SPATA6L: variants seen among roughly 807,000 people sequenced by gnomAD.
The protein encoded by SPATA6L is spermatogenesis associated 6 like, also known as spermatogenesis associated 6-like protein.
SPATA6L carries 68 observed loss-of-function variants against 49.2 expected under a neutral mutation model. The ratio of observed to expected loss-of-function variants is 1.38; its 90% CI spans 1.14 to 1.69. The LOEUF (loss-of-function observed/expected upper bound fraction) is 1.69. Among genes scored for constraint, SPATA6L ranks in the 40% most tolerant of loss-of-function variants. SPATA6L has a pLI of 0.00. For synonymous variants in SPATA6L, 198 were observed against 165.7 expected (o/e 1.19, Z -1.50); for missense variants, 668 against 464.3 (o/e 1.44, Z -4.03).
rs1264343806 is a variant in SPATA6L, at chr9:4,611,218, A to G, written c.996-5778T>C. 2.3e-4 allele frequency among the ~76,000 whole-genome samples: 33 copies of G among 145,852 alleles called. No homozygotes were observed. The East Asian group carries it at 6.5e-3, about 29-fold the overall frequency. ...GTTGGTGGGACTGTAAACTAGTTCA[A>G]CCATTGTGGAAGTCAGTGTGGCGAT... On this transcript the variant is annotated intron_variant, in intron 9 of 11. Coordinates refer to ENST00000682582, the MANE Select transcript of SPATA6L (RefSeq NM_001353486.2).
At chr9:4,661,028 T>C (rs917972824) in intron 2 of SPATA6L, among the ~76,000 whole-genome samples, 3 of 151,894 alleles carry the variant, frequency 2.0e-5, no homozygotes, top group African/African-American at 7.3e-5. Context: ...CAGGGGCCTG[T>C]CGTGGGGTGG....
At chr9:4,659,332 A>C (rs1169468854) in intron 2 of SPATA6L, among the ~76,000 whole-genome samples, 1 of 152,234 alleles carries the variant, frequency 6.6e-6, no homozygotes, top group Non-Finnish European at 1.5e-5. Context: ...CTCAAGTCTC[A>C]GGATACAAAA....
rs777546834 is a variant in SPATA6L, at chr9:4,662,344, G to A, written c.40-308C>T. On this transcript the variant is annotated intron_variant, in intron 1 of 11. Transcript: ENST00000682582. The surrounding 1 kb of genome is among the most constrained non-coding windows in gnomAD (Gnocchi z 4.9). ...GGCCGGGAAGCCTCTGTTTGGTCCG[G>A]CCAGGTCCCGGGATCCGGGCCGCCA... The A allele has an allele frequency of 2.0e-6, 3 of 1,477,802 alleles. No individual in the cohort carries two copies. Among genetic ancestry groups the A allele is most frequent in the South Asian group, 2.7e-5 (2 of 74,388 alleles). 91.5% of individuals were successfully genotyped at this position (1,477,802 alleles called of 1,614,324 possible).
intron 10 of SPATA6L, among the ~76,000 whole-genome samples, chr9:4,604,909 C>T (rs189931856): frequency 9.9e-5 from 15 of 152,164 alleles, no homozygotes; most frequent in African/African-American, 3.6e-4. Flanking sequence ...ACAGCCAAAA[C>T]CACCTTATTA....
chr9:4,622,204 G>A (rs576933728), intron 7 of SPATA6L, among the ~76,000 whole-genome samples: 11 of 152,308 alleles, frequency 7.2e-5, no homozygotes, highest in Admixed American at 5.2e-4. Flanking sequence ...CCCCTTCAAC[G>A]GCGAGGGGAA....
chr9:4,661,749 T>TCTAACTGCGGTTTTGCTTCAAGG, intron 2 of SPATA6L, 150 bp downstream of exon 2: 1 of 799,952 alleles, frequency 1.3e-6, no homozygotes, highest in South Asian at 2.2e-5. Flanking sequence ...AAGCAAGTGT[T>TCTAACTGCGGTTTTGCTTCAAGG]CCGACTGCGG....
chr9:4,604,294 T>C (rs1380856384), intron 10 of SPATA6L, 25 bp from the exon 11 acceptor site: 4 of 1,483,578 alleles, frequency 2.7e-6, no homozygotes, highest in African/African-American at 1.4e-5. Context: ...AATCCAGCAA[T>C]TATGTTACCC....
In SPATA6L at chr9:4,622,310, T is replaced by C. The variant is rs566423737; in HGVS notation, c.772+98A>G. On this transcript the variant is annotated intron_variant, in intron 7 of 11. Transcript: ENST00000682582. Reference sequence around the variant, plus strand: ...AGTACTTGAGAATTAGGCTCACAGTTCTGAACATCACCTGTGATTCCTCAG... The same window carrying C: ...AGTACTTGAGAATTAGGCTCACAGTCCTGAACATCACCTGTGATTCCTCAG... 3.9e-6 allele frequency: 3 copies of C among 769,042 alleles called. No individual in the cohort carries two copies. In the African/African-American group the frequency reaches 5.2e-5, roughly 13 times the overall value. The allele number at this position is 769,042 out of a possible 1,614,324, so 47.6% of individuals were successfully genotyped here.
At position 4,625,563 on chromosome 9, in the gene SPATA6L, C is replaced by G; in HGVS notation, c.433G>C (p.Glu145Gln). 6.6e-7 allele frequency: 1 copy of G among 1,507,862 alleles called. No homozygotes were observed. Among genetic ancestry groups the G allele is most frequent in the East Asian group, 2.4e-5 (1 of 42,046 alleles). The allele number at this position is 1,507,862 out of a possible 1,614,324, so 93.4% of individuals were successfully genotyped here. Residue 145 changes from glutamate (E) to glutamine (Q), a missense_variant, in exon 6 of 12, where the codon GAA (glutamate) becomes CAA (glutamine). Coordinates refer to ENST00000682582, the MANE Select transcript of SPATA6L (RefSeq NM_001353486.2). ...AAAGGCCTCCGTGACTCATGTCTTT[C>G]TTCCTGAAATAAACAAAAAAAGAAT... ...VFLHRNRFLE[E>Q]RHESRRPLST...
chr9:4,657,289 GT>G (rs577666584), intron 2 of SPATA6L, among the ~76,000 whole-genome samples: 1 of 152,040 alleles, frequency 6.6e-6, no homozygotes, highest in Non-Finnish European at 1.5e-5. Flanking sequence ...GGTAAGTGGG[GT>G]TTTTTTGCCT....
intron 13 of SPATA6L, among the ~76,000 whole-genome samples, chr9:4,590,672 G>A (rs1744324322): frequency 6.6e-6 from 1 of 152,152 alleles, no homozygotes; most frequent in African/African-American, 2.4e-5. Flanking sequence ...GCCTGCAGCT[G>A]GGAAGCTCTG....
At chr9:4,647,244 G>A (rs879788016) in intron 3 of SPATA6L, among the ~76,000 whole-genome samples, 4 of 151,990 alleles carry the variant, frequency 2.6e-5, no homozygotes, top group African/African-American at 9.7e-5. Context: ...ACATACAAAA[G>A]TTTATCTTGC....
intron 3 of SPATA6L, among the ~76,000 whole-genome samples, chr9:4,643,286 G>A (rs544914585): frequency 1.9e-3 from 285 of 152,268 alleles, no homozygotes; most frequent in African/African-American, 6.6e-3. Context: ...GATTATAAGC[G>A]TGAGCCATGA....
intron 9 of SPATA6L, among the ~76,000 whole-genome samples, chr9:4,614,541 C>T (rs138644077): frequency 2.8e-4 from 42 of 152,264 alleles, no homozygotes; most frequent in African/African-American, 7.2e-4. Flanking sequence ...CTAAAGCCAA[C>T]GGGCAATGTG....
intron 3 of SPATA6L, 103 bp downstream of exon 3, chr9:4,655,938 T>C (rs904293339): frequency 5.6e-6 from 5 of 897,402 alleles, no homozygotes; most frequent in East Asian, 5.3e-5. Flanking sequence ...TAAATATTCA[T>C]CAAACATGAA....
At chr9:4,649,940 C>A (rs1564299266) in intron 3 of SPATA6L, among the ~76,000 whole-genome samples, 1 of 152,026 alleles carries the variant, frequency 6.6e-6, no homozygotes, top group Non-Finnish European at 1.5e-5. Flanking sequence ...CAGATGTGAC[C>A]CATCTCAGAG....
In SPATA6L at chr9:4,622,127, C is replaced by G. The variant is rs550465505; in HGVS notation, c.772+281G>C. Among the ~76,000 whole-genome samples the G allele has an allele frequency of 4.6e-5, 7 of 152,330 alleles. No homozygotes were observed. The South Asian group carries it at 1.5e-3, about 32-fold the overall frequency. On this transcript the variant is annotated intron_variant, in intron 7 of 11. Coordinates refer to ENST00000682582, the MANE Select transcript of SPATA6L (RefSeq NM_001353486.2). ...GGTTCACAGCAGGACAAGTTGCACT[C>G]TGCTTCCCCGGAACAGCCAGGGGAC... is the stretch of plus-strand genomic sequence containing the variant.
intron 9 of SPATA6L, among the ~76,000 whole-genome samples, chr9:4,609,225 G>A (rs1293291360): frequency 6.6e-6 from 1 of 151,200 alleles, no homozygotes; most frequent in Non-Finnish European, 1.5e-5. Flanking sequence ...GTACAAGGAG[G>A]AACTGGTACC....
chr9:4,628,866 G>A, intron 5 of SPATA6L: 3 of 448,488 alleles, frequency 6.7e-6, no homozygotes, highest in South Asian at 3.6e-5. Context: ...GAATCACCCT[G>A]CTTCCAGCTA....
Sources: gnomAD v4.1 joint callset for allele counts (sites outside exome capture counted in the v4.1 genomes callset) on GRCh38, gnomAD v4.1.1 for gene constraint, Gnocchi (gnomAD v3.1) non-coding constraint, MANE v1.5 for transcripts, NCBI Gene and HGNC (gene_info 2026-07-23, HGNC 2026-07-21) for gene names.